The following NRCAM variants were observed in gnomAD, a reference collection of about 807,000 sequenced individuals.
The protein encoded by NRCAM is NgCAM-related cell adhesion molecule.
NRCAM carries 83 observed loss-of-function variants against 156.5 expected under a neutral mutation model. The observed-to-expected ratio is 0.53, with a 90% confidence interval of 0.44 to 0.64. NRCAM has a LOEUF of 0.64. Ranked by LOEUF, NRCAM falls within the 30% of genes least tolerant of loss-of-function variation. The pLI, the probability that NRCAM is intolerant of heterozygous loss-of-function variation, is 0.00. For synonymous variants in NRCAM, 538 were observed against 563.9 expected (o/e 0.95, Z 0.65); for missense variants, 1,417 against 1,597.3 (o/e 0.89, Z 1.92).
intron 3 of NRCAM, among the ~76,000 whole-genome samples, chr7:108,246,102 G>A (rs1220616544): frequency 5.9e-5 from 9 of 152,190 alleles, no homozygotes; most frequent in Non-Finnish European, 1.0e-4. Flanking sequence ...AGGAAAGATG[G>A]TTGGGGAAAA....
At chr7:108,176,729 ACT>A (rs1358912300) in intron 26 of NRCAM, 123 bp from the exon 27 acceptor site, 1 of 687,730 alleles carries the variant, frequency 1.5e-6, no homozygotes, top group African/African-American at 1.8e-5. Flanking sequence ...AATCCCACTC[ACT>A]CTTTCCCCAG....
At chr7:108,174,821 C>A (rs1050053243) in intron 28 of NRCAM, among the ~76,000 whole-genome samples, 15 of 152,220 alleles carry the variant, frequency 9.9e-5, no homozygotes, top group Non-Finnish European at 1.3e-4. Flanking sequence ...AGTCCCAAAC[C>A]AGTTGGAGGG....
At chr7:108,230,312 C>T (rs997627998) in intron 8 of NRCAM, among the ~76,000 whole-genome samples, 1 of 151,096 alleles carries the variant, frequency 6.6e-6, no homozygotes, top group African/African-American at 2.4e-5. Flanking sequence ...TCTACTGCTA[C>T]CACTCAAGTC....
At chr7:108,181,717 C>T (rs1406806289) in intron 24 of NRCAM, 105 bp downstream of exon 24, 3 of 648,212 alleles carry the variant, frequency 4.6e-6, no homozygotes, top group Non-Finnish European at 7.8e-6. Context: ...CACAAGTTCA[C>T]AAAGCAATGA....
At chr7:108,447,503 C>A (rs1358917225) in intron 1 of NRCAM, among the ~76,000 whole-genome samples, 1 of 152,010 alleles carries the variant, frequency 6.6e-6, no homozygotes, top group Non-Finnish European at 1.5e-5. Context: ...AACTCCTGAT[C>A]TCATGATCCG....
At chr7:108,278,083 A>T (rs2097708722) in intron 3 of NRCAM, among the ~76,000 whole-genome samples, 1 of 152,154 alleles carries the variant, frequency 6.6e-6, no homozygotes, top group Non-Finnish European at 1.5e-5. Flanking sequence ...AACAGCAAGT[A>T]TTGCTGCCTG....
intron 23 of NRCAM, 78 bp downstream of exon 23, chr7:108,182,617 G>C (rs2064152137): frequency 7.7e-7 from 1 of 1,305,074 alleles, no homozygotes; most frequent in South Asian, 1.2e-5. Context: ...CTTGCAACCT[G>C]AGCAAGGAGA....
At chr7:108,196,810 A>G (rs890720824) in intron 14 of NRCAM, among the ~76,000 whole-genome samples, 2 of 152,242 alleles carry the variant, frequency 1.3e-5, no homozygotes, top group Non-Finnish European at 2.9e-5. Context: ...CATTAAAAAT[A>G]CAACTACCAT....
intron 1 of NRCAM, among the ~76,000 whole-genome samples, chr7:108,414,793 G>A (rs891285448): frequency 5.3e-5 from 8 of 152,188 alleles, no homozygotes; most frequent in African/African-American, 1.9e-4. Context: ...AGACAGAGAA[G>A]GGGGGAAGAC....
chr7:108,233,249 G>A lies in NRCAM; in HGVS notation c.231-727C>T, dbSNP rs368452825. Among the ~76,000 whole-genome samples, 5 of 152,242 alleles carry A rather than the reference G, an allele frequency of 3.3e-5. No homozygotes were observed. The East Asian group carries it at 5.8e-4, about 18-fold the overall frequency. ...ACTTTACAACTAGTCACAAATCAAT[G>A]ATGGCCATGCTCATACAAAGGTACG... On this transcript the variant is annotated intron_variant, in intron 6 of 32. Coordinates refer to ENST00000379028, the MANE Select transcript of NRCAM (RefSeq NM_001037132.4).
intron 13 of NRCAM, among the ~76,000 whole-genome samples, chr7:108,198,758 T>G (rs945851454): frequency 5.3e-5 from 8 of 152,330 alleles, no homozygotes; most frequent in Admixed American, 3.9e-4. Flanking sequence ...AATATTTAAT[T>G]TTCTGCTGTG....
intron 3 of NRCAM, among the ~76,000 whole-genome samples, chr7:108,244,635 AGT>A (rs2095784111): frequency 6.6e-6 from 1 of 152,176 alleles, no homozygotes; most frequent in South Asian, 2.1e-4. Context: ...CTCAGAAAAA[AGT>A]AGTCCGGGAT....
intron 11 of NRCAM, among the ~76,000 whole-genome samples, chr7:108,220,491 A>G (rs1379864519): frequency 1.3e-5 from 2 of 152,224 alleles, no homozygotes; most frequent in African/African-American, 4.8e-5. Context: ...TACTGGTATA[A>G]AAATACGCAC....
chr7:108,352,790 T>G (rs545888928), intron 2 of NRCAM, among the ~76,000 whole-genome samples: 4 of 152,148 alleles, frequency 2.6e-5, no homozygotes, highest in Non-Finnish European at 5.9e-5. Context: ...GTTTGAACCA[T>G]AAAGCTAAGA....
intron 2 of NRCAM, among the ~76,000 whole-genome samples, chr7:108,392,731 G>A (rs1203451548): frequency 2.0e-5 from 3 of 152,118 alleles, no homozygotes; most frequent in African/African-American, 4.8e-5. Flanking sequence ...TGATGGTGAC[G>A]TACAGATGGG....
At chr7:108,399,104 C>A (rs1294389457) in intron 2 of NRCAM, among the ~76,000 whole-genome samples, 1 of 151,928 alleles carries the variant, frequency 6.6e-6, no homozygotes, top group Non-Finnish European at 1.5e-5. Context: ...CTGATAGAGA[C>A]CCTAAATACA....
chr7:108,224,070 A>G (rs2092948648), intron 10 of NRCAM, among the ~76,000 whole-genome samples: 1 of 152,114 alleles, frequency 6.6e-6, no homozygotes, highest in African/African-American at 2.4e-5. Flanking sequence ...AATAATAAGG[A>G]CTGTTTTCCT....
chr7:108,424,086 G>A (rs1388802153), intron 1 of NRCAM, among the ~76,000 whole-genome samples: 1 of 152,144 alleles, frequency 6.6e-6, no homozygotes, highest in Admixed American at 6.5e-5. Context: ...ACCTCTTTGA[G>A]CCCACCGACC....
chr7:108,208,831 C>T lies in NRCAM; in HGVS notation c.1075+590G>A, dbSNP rs374965891. 8.9e-4 allele frequency among the ~76,000 whole-genome samples: 136 copies of T among 152,208 alleles called. 4 individuals carry two copies. In the South Asian group the frequency reaches 0.028, roughly 31 times the overall value. ...TACCATATGGGGGAATATATGATAT[C>T]AAACATGACTTATTATTATTGACGT... On this transcript the variant is annotated intron_variant, in intron 12 of 32. Coordinates refer to ENST00000379028, the MANE Select transcript of NRCAM (RefSeq NM_001037132.4).
Sources: gnomAD v4.1 joint callset for allele counts (sites outside exome capture counted in the v4.1 genomes callset) on GRCh38, gnomAD v4.1.1 for gene constraint, MANE v1.5 for transcripts, NCBI Gene and HGNC (gene_info 2026-07-23, HGNC 2026-07-21) for gene names.